The following MNAT1 variants were observed in gnomAD, a reference collection of about 807,000 sequenced individuals.
MNAT1 encodes MNAT1 component of CDK activating kinase.
Under a neutral mutation model 42.0 loss-of-function variants are expected in MNAT1, and 43 were observed. That is an observed-to-expected ratio of 1.02 (90% CI 0.80 to 1.32). The LOEUF (loss-of-function observed/expected upper bound fraction) is 1.32. Ranked by LOEUF, MNAT1 falls within the 40% of genes most tolerant of loss-of-function variation. The pLI is 0.00. For synonymous variants in MNAT1, 118 were observed against 120.0 expected, an observed-to-expected ratio of 0.98 and a Z score of 0.11; for missense variants, 306 against 350.4, an observed-to-expected ratio of 0.87 and a Z score of 1.01.
chr14:60,805,655 C>T (rs1261576724), intron 3 of MNAT1, among the ~76,000 whole-genome samples: 3 of 152,180 alleles, frequency 2.0e-5, no homozygotes, highest in Admixed American at 1.3e-4. Flanking sequence ...TGGAATCATA[C>T]AGTATGTAGC....
At chr14:60,771,267 A>G (rs2031043799) in intron 1 of MNAT1, among the ~76,000 whole-genome samples, 1 of 151,448 alleles carries the variant, frequency 6.6e-6, no homozygotes, top group Non-Finnish European at 1.5e-5. Flanking sequence ...GTGAAGTGGC[A>G]TTTTACTGTG....
At chr14:60,818,159 A>C (rs189114147) in intron 5 of MNAT1, among the ~76,000 whole-genome samples, 224 of 152,148 alleles carry the variant, frequency 1.5e-3, no homozygotes, top group Non-Finnish European at 2.4e-3. Flanking sequence ...TATAATTAAT[A>C]TATTAAAATG....
chr14:60,800,915 A>G (rs1050366051), intron 3 of MNAT1, among the ~76,000 whole-genome samples: 1 of 152,162 alleles, frequency 6.6e-6, no homozygotes, highest in Admixed American at 6.5e-5. Context: ...TGCTTTATGG[A>G]TGGGGATATG....
chr14:60,863,806 CTT>C (rs1263261805), intron 6 of MNAT1, among the ~76,000 whole-genome samples: 1 of 151,912 alleles, frequency 6.6e-6, no homozygotes, highest in East Asian at 1.9e-4. Flanking sequence ...AAACATGTCT[CTT>C]AATTATGAAG....
chr14:60,791,578 A>G (rs1566767016), intron 1 of MNAT1, among the ~76,000 whole-genome samples: 1 of 152,196 alleles, frequency 6.6e-6, no homozygotes, highest in Non-Finnish European at 1.5e-5. Flanking sequence ...TAAATTGAGA[A>G]TGCCACATAA....
chr14:60,890,418 G>A (rs1466084111), intron 7 of MNAT1, among the ~76,000 whole-genome samples: 1 of 152,086 alleles, frequency 6.6e-6, no homozygotes, highest in Non-Finnish European at 1.5e-5. Flanking sequence ...GTATAGTCAG[G>A]GTTCTCTAGA....
chr14:60,793,585 C>A (rs1240597164), intron 1 of MNAT1, among the ~76,000 whole-genome samples: 1 of 151,554 alleles, frequency 6.6e-6, no homozygotes, highest in South Asian at 2.1e-4. Context: ...GTTGTCTAGG[C>A]TGGTCTTATA....
chr14:60,742,560 A>T (rs1409900153), intron 1 of MNAT1, among the ~76,000 whole-genome samples: 1 of 152,230 alleles, frequency 6.6e-6, no homozygotes. Flanking sequence ...TCACACATTT[A>T]AAGTGTACGT....
intron 7 of MNAT1, among the ~76,000 whole-genome samples, chr14:60,929,113 C>T (rs1331507640): frequency 2.2e-5 from 3 of 139,346 alleles, no homozygotes; most frequent in Admixed American, 7.5e-5. Context: ...TGCCACTGCA[C>T]TCCAGCCTGG....
rs145056123 is a variant in MNAT1 at position 60,794,200 on chromosome 14, T to A, written c.90-2017T>A. On this transcript the variant is annotated intron_variant, in intron 1 of 7. Transcript: ENST00000261245. ...TTAGTATAGTTGTAAAGTTTGCCTG[T>A]TTTCACCTTCCATGGATGGGTTTAA... Among the ~76,000 whole-genome samples, 244 of 152,260 alleles carry A rather than the reference T, an allele frequency of 1.6e-3. 1 individual carries two copies. Among genetic ancestry groups the A allele is most frequent in the Middle Eastern group, 0.01 (3 of 294 alleles).
chr14:60,849,091 G>T (rs557014646), intron 6 of MNAT1, among the ~76,000 whole-genome samples: 22 of 152,304 alleles, frequency 1.4e-4, no homozygotes, highest in African/African-American at 4.6e-4. Context: ...AGATGGAAAG[G>T]AAATAAAATA....
intron 7 of MNAT1, among the ~76,000 whole-genome samples, chr14:60,958,310 G>C (rs891108538): frequency 6.6e-6 from 1 of 151,968 alleles, no homozygotes; most frequent in Non-Finnish European, 1.5e-5. Flanking sequence ...TTTTTGGTTG[G>C]CATTTTTTTT....
intron 7 of MNAT1, among the ~76,000 whole-genome samples, chr14:60,911,309 T>C (rs2035352879): frequency 6.6e-6 from 1 of 152,246 alleles, no homozygotes; most frequent in Non-Finnish European, 1.5e-5. Flanking sequence ...AAGGGTTTTT[T>C]GTGTCTCTAT....
At chr14:60,920,239 A>G (rs1398661281) in intron 7 of MNAT1, 1 of 152,192 alleles carries the variant, frequency 6.6e-6, no homozygotes, top group African/African-American at 2.4e-5. Flanking sequence ...AAAAACTTTG[A>G]AAAGATTAAT....
intron 6 of MNAT1, among the ~76,000 whole-genome samples, chr14:60,827,463 A>C (rs2033086117): frequency 6.6e-6 from 1 of 152,198 alleles, no homozygotes; most frequent in Non-Finnish European, 1.5e-5. Context: ...TTGATAAAAT[A>C]TGTGAGTTAT....
chr14:60,938,706 G>C (rs1437015327), intron 7 of MNAT1, among the ~76,000 whole-genome samples: 4 of 152,000 alleles, frequency 2.6e-5, no homozygotes, highest in Non-Finnish European at 5.9e-5. Flanking sequence ...TTTTTGTTGT[G>C]TCTCTGCCCG....
Position 60,823,447 on chromosome 14 carries a change from A to G in MNAT1, c.687+4600A>G, listed in dbSNP as rs181218931. ...CATATAGATTTGGAGAGGAAAAAAAATTTCTATCTTTACATTGCCTTTATG... is the reference window on the plus strand; with the variant it reads ...CATATAGATTTGGAGAGGAAAAAAAGTTTCTATCTTTACATTGCCTTTATG... On this transcript the variant is annotated intron_variant, in intron 6 of 7. Coordinates refer to ENST00000261245, the MANE Select transcript of MNAT1 (RefSeq NM_002431.4). Among the ~76,000 whole-genome samples the G allele has an allele frequency of 8.6e-4, 131 of 152,268 alleles. 1 individual carries two copies. Among genetic ancestry groups the G allele is most frequent in the African/African-American group, 3.1e-3 (127 of 41,544 alleles).
intron 6 of MNAT1, among the ~76,000 whole-genome samples, chr14:60,857,485 T>C (rs927607897): frequency 6.6e-6 from 1 of 152,182 alleles, no homozygotes; most frequent in Admixed American, 6.5e-5. Flanking sequence ...TGAGATAGAA[T>C]CTACTCATGG....
At chr14:60,787,339 G>T (rs1261526688) in intron 1 of MNAT1, among the ~76,000 whole-genome samples, 1 of 152,138 alleles carries the variant, frequency 6.6e-6, no homozygotes, top group Non-Finnish European at 1.5e-5. Context: ...AAAACAGTGT[G>T]CATACCTTAA....
Sources: allele counts gnomAD v4.1 joint callset (sites outside exome capture counted in the v4.1 genomes callset), GRCh38; gene constraint gnomAD v4.1.1; transcripts MANE v1.5; gene names NCBI Gene and HGNC (gene_info 2026-07-23, HGNC 2026-07-21).